GSN: variants seen among roughly 807,000 people sequenced by gnomAD.
The protein encoded by GSN is actin-depolymerizing factor.
GSN carries 56 observed loss-of-function variants against 85.7 expected under a neutral mutation model. The observed-to-expected ratio is 0.65, with a 90% confidence interval of 0.53 to 0.82. The LOEUF is 0.82. GSN is among the 40% of genes least tolerant of loss of function. The pLI is 0.00. For missense variants in GSN, 857 were observed against 979.8 expected (o/e 0.87, Z 1.67); for synonymous variants, 373 against 399.1 (o/e 0.93, Z 0.78).
chr9:121,271,645 G>A (rs2055977017), intron 1 of GSN, among the ~76,000 whole-genome samples: 1 of 152,162 alleles, frequency 6.6e-6, no homozygotes, highest in South Asian at 2.1e-4. Flanking sequence ...TGGTAAGGGA[G>A]TTTGTTATGC....
At chr9:121,220,565 A>G (rs752610732) in intron 4 of GSN, among the ~76,000 whole-genome samples, 2 of 152,226 alleles carry the variant, frequency 1.3e-5, no homozygotes, top group Non-Finnish European at 2.9e-5. Flanking sequence ...GTCCCGTCCA[A>G]AGCATTTTCC....
chr9:121,280,568 C>T (rs2057242435), intron 1 of GSN: 1 of 152,102 alleles, frequency 6.6e-6, no homozygotes, highest in Non-Finnish European at 1.5e-5. Flanking sequence ...AGGGTGGGTC[C>T]CCAAATCGCA....
upstream of GSN, among the ~76,000 whole-genome samples, chr9:121,264,404 T>C (rs544402546): frequency 6.6e-6 from 1 of 152,214 alleles, no homozygotes; most frequent in East Asian, 1.9e-4. Flanking sequence ...GGAAGCCATG[T>C]TTGTGCCACT....
At chr9:121,253,347 G>A (rs1474487634) in intron 6 of GSN, among the ~76,000 whole-genome samples, 1 of 152,192 alleles carries the variant, frequency 6.6e-6, no homozygotes, top group Non-Finnish European at 1.5e-5. Flanking sequence ...TAACAGTGGT[G>A]CCATTAGCCA....
At chr9:121,249,833 G>T (rs186540782) in intron 6 of GSN, among the ~76,000 whole-genome samples, 1 of 152,328 alleles carries the variant, frequency 6.6e-6, no homozygotes, top group East Asian at 1.9e-4. Context: ...TGAAATTAGG[G>T]AAAGAAAATG....
At chr9:121,295,562 G>T (rs2059130782) in intron 2 of GSN, among the ~76,000 whole-genome samples, 2 of 152,252 alleles carry the variant, frequency 1.3e-5, no homozygotes, top group Admixed American at 1.3e-4. Context: ...TGTGGCTGGG[G>T]ATGGAAGGGG....
rs769989772 is a variant in GSN at position 121,326,596 on chromosome 9, T to TC, written c.1504dup (p.Arg502ProfsTer28). The TC allele has an allele frequency of 4.3e-6, 7 of 1,611,740 alleles. No individual in the cohort carries two copies. In the East Asian group the frequency reaches 1.3e-4, roughly 31 times the overall value. ...CATGATCATCTACAAGGGCGGCACC[T>TC]CCCGCGAGGGCGGGCAGACAGCCCC... On this transcript the variant is annotated frameshift_variant, in exon 13 of 18. Coordinates refer to ENST00000432226, the MANE Select transcript of GSN (RefSeq NM_198252.3). LOFTEE classifies it high-confidence loss of function.
At chr9:121,252,814 A>G (rs536786453) in intron 6 of GSN, among the ~76,000 whole-genome samples, 46 of 152,356 alleles carry the variant, frequency 3.0e-4, no homozygotes, top group Admixed American at 2.6e-4. Context: ...ATTTGTTACT[A>G]TAATATAACC....
chr9:121,263,557 A>G (rs2055131891), upstream of GSN, among the ~76,000 whole-genome samples: 1 of 152,046 alleles, frequency 6.6e-6, no homozygotes, highest in African/African-American at 2.4e-5. Context: ...GTGGCAGGAG[A>G]GAGAGTGTGT....
chr9:121,258,718 A>G (rs1452424728), intron 6 of GSN, among the ~76,000 whole-genome samples: 1 of 151,070 alleles, frequency 6.6e-6, no homozygotes, highest in Non-Finnish European at 1.5e-5. Context: ...GACCAATTCT[A>G]TTACAAGTTT....
At chr9:121,327,662 G>A (rs2063387225) in intron 14 of GSN, among the ~76,000 whole-genome samples, 180 bp downstream of exon 14, 1 of 152,108 alleles carries the variant, frequency 6.6e-6, no homozygotes, top group African/African-American at 2.4e-5. Flanking sequence ...AGAGAGGGAG[G>A]TCTCCAGGAG....
At chr9:121,311,961 A>G in intron 5 of GSN, 2 of 238,476 alleles carry the variant, frequency 8.4e-6, no homozygotes, top group Non-Finnish European at 1.7e-5. Context: ...TCTGTCAGGT[A>G]TTTTCCTAGA....
chr9:121,220,767 C>A (rs533068613), intron 4 of GSN, among the ~76,000 whole-genome samples: 1 of 152,230 alleles, frequency 6.6e-6, no homozygotes, highest in Non-Finnish European at 1.5e-5. Flanking sequence ...CAATTCCAAT[C>A]TCCCTTTCTA....
At chr9:121,276,374 G>A (rs1408808883) in intron 1 of GSN, among the ~76,000 whole-genome samples, 4 of 152,184 alleles carry the variant, frequency 2.6e-5, no homozygotes, top group African/African-American at 9.7e-5. Flanking sequence ...CTTAGCATCC[G>A]TGCCAGCCTG....
intron 6 of GSN, among the ~76,000 whole-genome samples, chr9:121,260,427 A>C (rs925927371): frequency 6.6e-6 from 1 of 152,372 alleles, no homozygotes. Flanking sequence ...AGACATTCTT[A>C]TAAATTCCAG....
At chr9:121,328,491 G>A (rs2063499949) in intron 14 of GSN, among the ~76,000 whole-genome samples, 1 of 152,218 alleles carries the variant, frequency 6.6e-6, no homozygotes, top group South Asian at 2.1e-4. Context: ...CAGGTATAGT[G>A]GAAAGAGTAT....
rs201920706 is a variant in GSN at position 121,303,001 on chromosome 9, G to A, written c.287G>A (p.Arg96His). The change falls in exon 4 of 18, where the codon CGT (arginine) becomes CAT (histidine). Residue 96 changes from arginine to histidine, a missense_variant. Transcript: ENST00000432226. ...DYLNGRAVQH[R>H]EVQGFESATF... ...CTGAACGGCCGGGCCGTGCAGCACCGTGAGGTCCAGGGCTTCGAGTCGGCC... is the reference window on the plus strand; with the variant it reads ...CTGAACGGCCGGGCCGTGCAGCACCATGAGGTCCAGGGCTTCGAGTCGGCC... 9.9e-6 allele frequency: 16 copies of A among 1,613,952 alleles called. No homozygotes were observed. Among genetic ancestry groups the A allele is most frequent in the South Asian group, 4.4e-5 (4 of 91,088 alleles).
Position 121,281,527 on chromosome 9 carries a change from C to A in GSN, c.-45C>A, listed in dbSNP as rs995334821. On this transcript the variant is annotated 5_prime_UTR_variant, in exon 2 of 18. Coordinates refer to ENST00000432226, the MANE Select transcript of GSN (RefSeq NM_198252.3). The stretch of plus-strand genomic sequence containing the variant: ...CGGCCTTGGTCCCAGCGCCTTCCCA[C>A]GGAGCAGCACTCTTCACCCTGCACA... 7.2e-6 allele frequency: 3 copies of A among 415,290 alleles called. No homozygotes were observed. Among genetic ancestry groups the A allele is most frequent in the South Asian group, 1.8e-5 (1 of 55,090 alleles). 25.7% of individuals were successfully genotyped at this position (415,290 alleles called of 1,614,324 possible). A position where few individuals can be genotyped will look rare whatever the true frequency, so the allele number is the denominator to read the frequency against.
At chr9:121,320,684 C>G (rs1327432367) in intron 10 of GSN, among the ~76,000 whole-genome samples, 1 of 151,524 alleles carries the variant, frequency 6.6e-6, no homozygotes, top group Non-Finnish European at 1.5e-5. Context: ...AGAAAGAATC[C>G]AGGCAGCTCA....
Sources: allele counts gnomAD v4.1 joint callset (sites outside exome capture counted in the v4.1 genomes callset), GRCh38; gene constraint gnomAD v4.1.1; transcripts MANE v1.5; gene names NCBI Gene and HGNC (gene_info 2026-07-23, HGNC 2026-07-21).